The following DNAH17 variants were observed in gnomAD, a reference collection of about 807,000 sequenced individuals.
DNAH17 encodes dynein axonemal heavy chain 17.
A neutral mutation model predicts 485.6 loss-of-function variants in DNAH17; 376 were observed. The observed-to-expected ratio is 0.77, with a 90% CI of 0.71 to 0.84. The LOEUF is 0.84. Among genes scored for constraint, DNAH17 ranks in the 40% least tolerant of loss-of-function variants. The probability of loss-of-function intolerance (pLI) is 0.00; values close to 1 mark genes in which losing one functional copy is unlikely to be tolerated. For missense variants in DNAH17, 6,370 were observed against 5,839.3 expected (o/e 1.09, Z -2.96); for synonymous variants, 3,031 against 2,405.9 (o/e 1.26, Z -7.60).
chr17:78,549,171 GC>G (rs1343472254), intron 16 of DNAH17, among the ~76,000 whole-genome samples: 7 of 152,330 alleles, frequency 4.6e-5, no homozygotes, highest in African/African-American at 1.7e-4. Flanking sequence ...GTAATAGGAG[GC>G]AGGGACCTTG....
chr17:78,450,410 A>G lies in DNAH17; in HGVS notation c.10900-16T>C. 6.2e-7 allele frequency: 1 copy of G among 1,613,254 alleles called. No individual in the cohort carries two copies. The highest frequency in any genetic ancestry group is 8.5e-7 in the Non-Finnish European group (1 of 1,179,692). ...CCTCCACCACCTCGACACAAACAAA[A>G]GGGGTGTGAATGACACAGCAGATGG... is the stretch of plus-strand genomic sequence containing the variant. On this transcript the variant is annotated splice_polypyrimidine_tract_variant and intron_variant, in intron 67 of 80. Transcript: ENST00000389840.
intron 34 of DNAH17, 151 bp from the exon 35 acceptor site, chr17:78,501,495 A>AT: frequency 9.6e-7 from 1 of 1,040,324 alleles, no homozygotes; most frequent in Non-Finnish European, 1.4e-6. Flanking sequence ...ATCCAACTGT[A>AT]TGGCCACCCT....
intron 58 of DNAH17, among the ~76,000 whole-genome samples, 155 bp from the exon 59 acceptor site, chr17:78,460,412 G>A (rs1003373751): frequency 6.6e-6 from 1 of 152,256 alleles, no homozygotes; most frequent in South Asian, 2.1e-4. Flanking sequence ...GTATGTGTGT[G>A]CATGTATGTG....
intron 38 of DNAH17, among the ~76,000 whole-genome samples, chr17:78,495,586 C>T (rs930221889): frequency 5.9e-5 from 9 of 152,038 alleles, no homozygotes; most frequent in African/African-American, 2.2e-4. Context: ...TACAGGCATG[C>T]ACCACCACAC....
At chr17:78,428,150 G>A (rs1051805219) in intron 77 of DNAH17, among the ~76,000 whole-genome samples, 9 of 152,140 alleles carry the variant, frequency 5.9e-5, no homozygotes, top group Non-Finnish European at 1.3e-4. Context: ...CCGGCTGCCC[G>A]GTGCGAGCTG....
rs746797874 is a variant in DNAH17, at chr17:78,495,928, G to T, written c.5850C>A (p.Asn1950Lys). ...GCTCCGCGCGTCCGGCGTACCCAGGGTTCATGGTGATGAAGATACCGACGG... is the reference window on the plus strand; with the variant it reads ...GCTCCGCGCGTCCGGCGTACCCAGGTTTCATGGTGATGAAGATACCGACGG... ...IPTVGIFITM[N>K]PGYAGRAELP... is the part of the protein sequence containing the mutation. Residue 1950 changes from asparagine (N) to lysine (K), a missense_variant, in exon 38 of 81, where the codon AAC becomes AAA. Coordinates refer to ENST00000389840, the MANE Select transcript of DNAH17 (RefSeq NM_173628.4). 1.2e-6 allele frequency: 2 copies of T among 1,613,980 alleles called. No homozygotes were observed. The highest frequency in any genetic ancestry group is 1.7e-6 in the Non-Finnish European group (2 of 1,179,884).
At chr17:78,564,143 T>TA (rs745515784) in intron 11 of DNAH17, among the ~76,000 whole-genome samples, 24 of 152,018 alleles carry the variant, frequency 1.6e-4, no homozygotes, top group Non-Finnish European at 3.2e-4. Context: ...GGTAGGGGCC[T>TA]AGGGCTCCCG....
At position 78,424,119 on chromosome 17, in the gene DNAH17, A is replaced by G. The variant is rs1310879155; in HGVS notation, c.13176T>C (p.Ala4392=). The change falls in exon 81 of 81, where the codon GCT becomes GCC. Residue 4392 remains alanine, a synonymous_variant. Coordinates refer to ENST00000389840, the MANE Select transcript of DNAH17 (RefSeq NM_173628.4). ...ARWDTQTGVI[A]EARLKELTPA... ...GGGTCAGCTCTTTCAGCCGCGCTTC[A>G]GCGATGACTCCAGTCTGGGTGTCCC... 2 of 1,613,394 alleles carry G rather than the reference A, an allele frequency of 1.2e-6. No homozygotes were observed. The highest frequency in any genetic ancestry group is 4.5e-5 in the East Asian group (2 of 44,892).
intron 48 of DNAH17, among the ~76,000 whole-genome samples, chr17:78,483,127 C>G (rs950819024): frequency 1.4e-5 from 2 of 147,252 alleles, no homozygotes; most frequent in African/African-American, 5.1e-5. Context: ...CCCCACACCA[C>G]GTTAGGTTCT....
chr17:78,514,049 C>T (rs1392729469), intron 26 of DNAH17, among the ~76,000 whole-genome samples: 5 of 152,118 alleles, frequency 3.3e-5, no homozygotes, highest in Admixed American at 3.3e-4. Flanking sequence ...TGGAAAGATT[C>T]AGGTGCTAAG....
At chr17:78,450,135 C>G (rs145296469) in intron 68 of DNAH17, 119 bp downstream of exon 68, 2 of 1,241,062 alleles carry the variant, frequency 1.6e-6, no homozygotes, top group South Asian at 2.8e-5. Context: ...TGGACCAGGT[C>G]TGCCCTCTGA....
chr17:78,527,035 TTC>T, intron 22 of DNAH17, 39 bp from the exon 23 acceptor site: 1 of 1,482,328 alleles, frequency 6.7e-7, no homozygotes, highest in Admixed American at 2.1e-5. Flanking sequence ...CCTTTCTCAT[TTC>T]TTTTCTTAAA....
chr17:78,510,140 C>T (rs192603304), intron 27 of DNAH17, among the ~76,000 whole-genome samples: 1 of 152,322 alleles, frequency 6.6e-6, no homozygotes, highest in Non-Finnish European at 1.5e-5. Flanking sequence ...CAAGATCGTG[C>T]CACTGCACTC....
chr17:78,492,692 G>T lies in DNAH17; in HGVS notation c.6482C>A (p.Ala2161Asp). The change falls in exon 42 of 81, where the codon GCC (alanine) becomes GAC (aspartate). Residue 2161 changes from alanine (A) to aspartate (D), a missense_variant. By Grantham distance (126) the Ala-to-Asp change is moderately radical. Coordinates refer to ENST00000389840, the MANE Select transcript of DNAH17 (RefSeq NM_173628.4). ...KPVAVDLDPK[A>D]VTCDELFGII... ...GCCAAAGAGCTCGTCGCAGGTGACGGCCTTGGGGTCCAGGTCCACGGCGAC... is the reference window on the plus strand; with the variant it reads ...GCCAAAGAGCTCGTCGCAGGTGACGTCCTTGGGGTCCAGGTCCACGGCGAC... The T allele has an allele frequency of 6.2e-7, 1 of 1,613,514 alleles. No individual in the cohort carries two copies.
At chr17:78,523,622 T>C in intron 25 of DNAH17, among the ~76,000 whole-genome samples, 1 of 152,218 alleles carries the variant, frequency 6.6e-6, no homozygotes, top group East Asian at 1.9e-4. Context: ...AATAAGCCCA[T>C]GAGAAGATAC....
intron 17 of DNAH17, among the ~76,000 whole-genome samples, chr17:78,543,100 G>A (rs751435219): frequency 3.6e-5 from 5 of 139,034 alleles, no homozygotes; most frequent in Admixed American, 7.2e-5. Context: ...GGCTCGCTTG[G>A]ATTAAAGATC....
rs568474112 is a variant in DNAH17, at chr17:78,497,770, G to A, written c.5745+1238C>T. 1.2e-4 allele frequency among the ~76,000 whole-genome samples: 19 copies of A among 152,340 alleles called. No homozygotes were observed. The South Asian group carries it at 2.7e-3, about 22-fold the overall frequency. On this transcript the variant is annotated intron_variant, in intron 37 of 80. Coordinates refer to ENST00000389840, the MANE Select transcript of DNAH17 (RefSeq NM_173628.4). ...CTGGCAGACCTGTGTCACCAACACC[G>A]CCTTACAGGTTAGAAGGTGGAGGCA...
chr17:78,514,695 A>C, intron 26 of DNAH17, 79 bp downstream of exon 26: 1 of 1,528,714 alleles, frequency 6.5e-7, no homozygotes, highest in South Asian at 1.2e-5. Context: ...CACCTTGGCT[A>C]GGCAGCTCAG....
chr17:78,534,407 A>ATG (rs1354539001), intron 19 of DNAH17, among the ~76,000 whole-genome samples: 1 of 152,150 alleles, frequency 6.6e-6, no homozygotes, highest in African/African-American at 2.4e-5. Flanking sequence ...GCCACCCTGC[A>ATG]TGTAAGTTGT....
Sources: gnomAD v4.1 joint callset for allele counts (sites outside exome capture counted in the v4.1 genomes callset) on GRCh38, gnomAD v4.1.1 for gene constraint, MANE v1.5 for transcripts, NCBI Gene and HGNC (gene_info 2026-07-23, HGNC 2026-07-21) for gene names.